ZBTB16: variants seen among roughly 807,000 people sequenced by gnomAD.
ZBTB16 encodes zinc finger and BTB domain-containing protein 16.
ZBTB16 carries 8 observed loss-of-function variants against 56.8 expected under a neutral mutation model. The observed-to-expected ratio is 0.14, with a 90% CI of 0.08 to 0.25. ZBTB16 has a LOEUF of 0.25. Among genes scored for constraint, ZBTB16 ranks in the 10% least tolerant of loss-of-function variants. The pLI, the probability that ZBTB16 is intolerant of heterozygous loss-of-function variation, is 1.00. For synonymous variants in ZBTB16, 363 were observed against 368.5 expected, an observed-to-expected ratio of 0.98 and a Z score of 0.17; for missense variants, 625 against 903.0, an observed-to-expected ratio of 0.69 and a Z score of 3.95.
intron 3 of ZBTB16, among the ~76,000 whole-genome samples, chr11:114,179,357 C>T (rs548556207): frequency 2.6e-5 from 4 of 152,176 alleles, no homozygotes; most frequent in East Asian, 3.9e-4. Flanking sequence ...CACACAGTGC[C>T]GGCCTTTGGA....
chr11:114,180,464 A>G (rs1943222375), intron 3 of ZBTB16, among the ~76,000 whole-genome samples: 1 of 152,152 alleles, frequency 6.6e-6, no homozygotes, highest in Non-Finnish European at 1.5e-5. Context: ...CACAGTGAGC[A>G]TTGGACTGGG....
intron 4 of ZBTB16, among the ~76,000 whole-genome samples, chr11:114,213,282 T>C (rs564625150): frequency 6.6e-6 from 1 of 152,322 alleles, no homozygotes; most frequent in African/African-American, 2.4e-5. Flanking sequence ...TGCCAAGAGA[T>C]AGGTATTTGT....
chr11:114,188,621 A>G (rs1393593252), intron 4 of ZBTB16: 1 of 152,186 alleles, frequency 6.6e-6, no homozygotes, highest in African/African-American at 2.4e-5. Flanking sequence ...ATATTTATTG[A>G]GTTTCTACAA....
At chr11:114,187,467 C>A (rs1310334521) in intron 4 of ZBTB16, 3 of 250,366 alleles carry the variant, frequency 1.2e-5, no homozygotes, top group Non-Finnish European at 2.4e-5. Context: ...AGAGCTGAGA[C>A]ATTGTCTAAA....
intron 2 of ZBTB16, among the ~76,000 whole-genome samples, chr11:114,129,781 C>T (rs1238955901): frequency 8.5e-5 from 13 of 152,202 alleles, no homozygotes; most frequent in Admixed American, 8.5e-4. Flanking sequence ...TTGTTGCATC[C>T]CTAGGCTCCC....
intron 4 of ZBTB16, among the ~76,000 whole-genome samples, chr11:114,208,400 G>A (rs1318935220): frequency 6.6e-6 from 1 of 152,102 alleles, no homozygotes; most frequent in Non-Finnish European, 1.5e-5. Flanking sequence ...CTCATCCTTT[G>A]CAAGTCTCAG....
chr11:114,133,793 C>T (rs1438267797), intron 2 of ZBTB16, among the ~76,000 whole-genome samples: 1 of 152,192 alleles, frequency 6.6e-6, no homozygotes, highest in African/African-American at 2.4e-5. Context: ...TGGGTTGGCC[C>T]CATGGTCCTC....
chr11:114,255,147 C>A lies in ZBTB16; in HGVS notation c.*4592C>A, dbSNP rs1320997147. Among the ~76,000 whole-genome samples the A allele has an allele frequency of 6.6e-6, 1 of 152,112 alleles. No homozygotes were observed. Among genetic ancestry groups the A allele is most frequent in the Admixed American group, 6.5e-5 (1 of 15,268 alleles). ...TGTATGTAAATTATAGCACTGAGGG[C>A]CCTGCTGCCCTGCTGGACCAAGCAA... On this transcript the variant is annotated 3_prime_UTR_variant, in exon 7 of 7. Transcript: ENST00000335953.
chr11:114,163,484 T>C (rs1942652846), intron 3 of ZBTB16, among the ~76,000 whole-genome samples: 1 of 152,180 alleles, frequency 6.6e-6, no homozygotes, highest in Non-Finnish European at 1.5e-5. Flanking sequence ...ATGATGGTGC[T>C]GGGTGCGATG....
chr11:114,220,136 T>C (rs1228929018), intron 4 of ZBTB16, among the ~76,000 whole-genome samples: 1 of 152,126 alleles, frequency 6.6e-6, no homozygotes, highest in East Asian at 1.9e-4. Context: ...GTTAAGAGGG[T>C]ATGACTAATA....
chr11:114,119,264 C>CAAAAA (rs71063549), intron 2 of ZBTB16, among the ~76,000 whole-genome samples: 10 of 57,248 alleles, frequency 1.7e-4, no homozygotes, highest in African/African-American at 6.0e-4. Context: ...AACTCTGTCT[C>CAAAAA]AAAAAAAAAA....
chr11:114,207,035 C>G lies in ZBTB16; in HGVS notation c.1453+19997C>G, dbSNP rs138273741. 8.9e-3 allele frequency among the ~76,000 whole-genome samples: 1,350 copies of G among 152,272 alleles called. 9 individuals carry two copies. Among genetic ancestry groups the G allele is most frequent in the Middle Eastern group, 0.017 (5 of 294 alleles). On this transcript the variant is annotated intron_variant, in intron 4 of 6. Transcript: ENST00000335953. ...TCTGTTTTTGAACGACTGCCTCATT[C>G]CTGTAAGACAAAGGTGGCAATGGAG...
chr11:114,255,607 C>T lies in ZBTB16; in HGVS notation c.*5052C>T, dbSNP rs1021236977. 2.6e-5 allele frequency among the ~76,000 whole-genome samples: 4 copies of T among 151,764 alleles called. No homozygotes were observed. The highest frequency in any genetic ancestry group is 4.4e-5 in the Non-Finnish European group (3 of 68,012). ...TGCCGCTCCTTATCTGTTCTAGTTC[C>T]GAAGCAGTTTCACTCGAAGTTGTGC... On this transcript the variant is annotated 3_prime_UTR_variant, in exon 7 of 7. Transcript: ENST00000335953.
At chr11:114,106,951 G>A (rs1940814005) in intron 2 of ZBTB16, among the ~76,000 whole-genome samples, 1 of 152,046 alleles carries the variant, frequency 6.6e-6, no homozygotes, top group Non-Finnish European at 1.5e-5. Context: ...TGCTAGATGG[G>A]CTTTTTATTT....
At chr11:114,207,584 A>G (rs1314431822) in intron 4 of ZBTB16, among the ~76,000 whole-genome samples, 6 of 141,150 alleles carry the variant, frequency 4.3e-5, no homozygotes, top group Non-Finnish European at 6.0e-5. Context: ...CCTGATACAC[A>G]CACACAACAC....
At chr11:114,190,702 TG>T (rs1943469948) in intron 4 of ZBTB16, among the ~76,000 whole-genome samples, 1 of 151,580 alleles carries the variant, frequency 6.6e-6, no homozygotes. Context: ...TAAGAGTCAC[TG>T]GCATCACTCA....
chr11:114,216,676 A>C lies in ZBTB16; in HGVS notation c.1454-25491A>C, dbSNP rs567340707. Among the ~76,000 whole-genome samples the C allele has an allele frequency of 2.0e-4, 31 of 152,314 alleles. 2 individuals carry two copies. Among genetic ancestry groups the C allele is most frequent in the African/African-American group, 7.2e-4 (30 of 41,564 alleles). ...TACAGGAGACTGGAGATGGAGGGAA[A>C]TAAGAAGTCACCTCCCCTTACCCCC... On this transcript the variant is annotated intron_variant, in intron 4 of 6. Transcript: ENST00000335953.
intron 4 of ZBTB16, among the ~76,000 whole-genome samples, chr11:114,204,749 G>A (rs1191673349): frequency 2.0e-5 from 3 of 152,136 alleles, no homozygotes; most frequent in South Asian, 4.1e-4. Context: ...GGCCCGCCAA[G>A]CAGTTTTGCA....
rs766991838 is a variant in ZBTB16, at chr11:114,131,755, C to T, written c.1269-24582C>T. ...ATGATGCAGGGTTTATTCTGCTTAC[C>T]GCGGGTCAGAGACAATCTGACGATG... is the stretch of plus-strand genomic sequence containing the variant. On this transcript the variant is annotated intron_variant, in intron 2 of 6. Transcript: ENST00000335953. Among the ~76,000 whole-genome samples, 5 of 152,084 alleles carry T rather than the reference C, an allele frequency of 3.3e-5. No individual in the cohort carries two copies. The South Asian group carries it at 6.2e-4, about 19-fold the overall frequency.
Sources: allele counts gnomAD v4.1 joint callset (sites outside exome capture counted in the v4.1 genomes callset), GRCh38; gene constraint gnomAD v4.1.1; transcripts MANE v1.5; gene names NCBI Gene and HGNC (gene_info 2026-07-23, HGNC 2026-07-21).